TNRC6A: variants seen among roughly 807,000 people sequenced by gnomAD.
TNRC6A encodes the protein trinucleotide repeat-containing gene 6A protein.
TNRC6A carries 44 observed loss-of-function variants against 221.2 expected under a neutral mutation model. The observed-to-expected ratio is 0.20, with a 90% CI of 0.16 to 0.26. The LOEUF is 0.26. Among genes scored for constraint, TNRC6A ranks in the 10% least tolerant of loss-of-function variants. The pLI is 1.00. For synonymous variants in TNRC6A, 847 were observed against 838.5 expected, an observed-to-expected ratio of 1.01 and a Z score of -0.18; for missense variants, 2,199 against 2,404.4, an observed-to-expected ratio of 0.91 and a Z score of 1.79.
In TNRC6A at chr16:24,822,820, C is replaced by T. The variant is rs1596846274; in HGVS notation, c.5374-54C>T. ...GCAGCAGTGCAGCCTGAAACAGCCTCCTGGAGGGCCCGCGGTGACGCCTCT... is the reference window on the plus strand; with the variant it reads ...GCAGCAGTGCAGCCTGAAACAGCCTTCTGGAGGGCCCGCGGTGACGCCTCT... On this transcript the variant is annotated intron_variant, in intron 23 of 24. Transcript: ENST00000395799. The T allele has an allele frequency of 5.0e-6, 8 of 1,608,846 alleles. No individual in the cohort carries two copies. In the East Asian group the frequency reaches 6.7e-5, roughly 13 times the overall value.
chr16:24,774,910 A>G (rs2057687632), intron 4 of TNRC6A, among the ~76,000 whole-genome samples: 1 of 152,160 alleles, frequency 6.6e-6, no homozygotes, highest in Admixed American at 6.5e-5. Context: ...ACAATACCAA[A>G]TATAATGTAA....
At chr16:24,812,232 A>C (rs1319483573) in intron 18 of TNRC6A, among the ~76,000 whole-genome samples, 1 of 151,460 alleles carries the variant, frequency 6.6e-6, no homozygotes, top group African/African-American at 2.4e-5. Flanking sequence ...TTGTAATTTT[A>C]GTAGAGACAG....
chr16:24,682,546 G>A (rs1016344564), intron 2 of TNRC6A, among the ~76,000 whole-genome samples: 1 of 151,998 alleles, frequency 6.6e-6, no homozygotes, highest in Non-Finnish European at 1.5e-5. Context: ...ATTGAATAGA[G>A]GAACTCTACA....
intron 2 of TNRC6A, among the ~76,000 whole-genome samples, chr16:24,732,105 AAAAC>A (rs2056658427): frequency 6.6e-6 from 1 of 152,250 alleles, no homozygotes; most frequent in Admixed American, 6.5e-5. Flanking sequence ...CATGAAAGGA[AAAAC>A]AAATATCAAA....
intron 2 of TNRC6A, among the ~76,000 whole-genome samples, chr16:24,681,744 A>G (rs926464971): frequency 6.6e-6 from 1 of 152,146 alleles, no homozygotes; most frequent in Non-Finnish European, 1.5e-5. Flanking sequence ...TTGATGCTTA[A>G]TAGGCACCCA....
intron 2 of TNRC6A, among the ~76,000 whole-genome samples, chr16:24,709,134 G>A (rs556438095): frequency 6.6e-6 from 1 of 152,230 alleles, no homozygotes; most frequent in South Asian, 2.1e-4. Context: ...GTGCATGCCT[G>A]TAATTCCAGC....
At chr16:24,711,713 T>C (rs1177671864) in intron 2 of TNRC6A, among the ~76,000 whole-genome samples, 11 of 152,220 alleles carry the variant, frequency 7.2e-5, no homozygotes. Context: ...TTTCATTTTA[T>C]GTGACTTAGC....
chr16:24,805,360 C>T, intron 14 of TNRC6A: 1 of 963,242 alleles, frequency 1.0e-6, no homozygotes, highest in Non-Finnish European at 1.5e-6. Context: ...TTCTTTAAAA[C>T]ATTCTTGAGA....
chr16:24,711,228 GA>G (rs2056200588), intron 2 of TNRC6A, among the ~76,000 whole-genome samples: 1 of 151,602 alleles, frequency 6.6e-6, no homozygotes, highest in African/African-American at 2.4e-5. Context: ...GGCTGGTCTC[GA>G]ACTCCTGACC....
At chr16:24,714,687 T>C (rs1311770764) in intron 2 of TNRC6A, among the ~76,000 whole-genome samples, 1 of 152,156 alleles carries the variant, frequency 6.6e-6, no homozygotes, top group East Asian at 1.9e-4. Flanking sequence ...TCTTTCTTTC[T>C]AAAATATCTT....
chr16:24,643,353 A>G (rs942257823), intron 2 of TNRC6A, among the ~76,000 whole-genome samples: 8 of 151,696 alleles, frequency 5.3e-5, no homozygotes, highest in African/African-American at 1.9e-4. Context: ...TAATTAACCC[A>G]GGTATTCATT....
intron 11 of TNRC6A, among the ~76,000 whole-genome samples, chr16:24,802,069 A>T (rs746113180): frequency 7.9e-5 from 12 of 152,262 alleles, no homozygotes; most frequent in Non-Finnish European, 1.5e-4. Context: ...TGACTGGAAC[A>T]GTACTTCTTA....
rs2055593358 is a variant in TNRC6A at position 24,684,708 on chromosome 16, A to T, written n.402+43699A>T. ...TTAGTCCCACTTACTCAGGAGGCTG[A>T]GGTGGGAGGATAACCAGAGCCCAAG... is the stretch of plus-strand genomic sequence containing the variant. On this transcript the variant is annotated intron_variant and non_coding_transcript_variant, in intron 2 of 2. Transcript: ENST00000566108. 1.3e-5 allele frequency among the ~76,000 whole-genome samples: 2 copies of T among 151,784 alleles called. 1 individual carries two copies. The highest frequency in any genetic ancestry group is 4.2e-4 in the South Asian group (2 of 4,808).
intron 2 of TNRC6A, among the ~76,000 whole-genome samples, chr16:24,698,108 G>A (rs952339032): frequency 2.6e-5 from 4 of 151,334 alleles, no homozygotes; most frequent in South Asian, 2.1e-4. Flanking sequence ...CAGGAGGACC[G>A]CTTGAGCCCA....
chr16:24,732,022 C>T (rs2056656297), intron 2 of TNRC6A, among the ~76,000 whole-genome samples: 1 of 152,170 alleles, frequency 6.6e-6, no homozygotes, highest in South Asian at 2.1e-4. Context: ...AACAGTAGTA[C>T]TAGGTAGATG....
Position 24,789,792 on chromosome 16 carries a change from G to A in TNRC6A, c.1150G>A (p.Val384Ile), listed in dbSNP as rs200041337. 2 of 1,614,170 alleles carry A rather than the reference G, an allele frequency of 1.2e-6. No individual in the cohort carries two copies. The highest frequency in any genetic ancestry group is 4.5e-5 in the East Asian group (2 of 44,888). ...CAATGGACTTGCCCTAAAAGGGCCT[G>A]TAGGGAGTGGTAGTTCTGGCATTAA... ...ENNGLALKGP[V>I]GSGSSGINIQ... Residue 384 changes from valine to isoleucine, a missense_variant, in exon 6 of 25, where the codon GTA becomes ATA. By Grantham distance (29) the Val-to-Ile change is conservative. Transcript: ENST00000395799.
chr16:24,766,722 G>A (rs1374340688), intron 4 of TNRC6A, among the ~76,000 whole-genome samples: 2 of 128,678 alleles, frequency 1.6e-5, no homozygotes, highest in East Asian at 2.3e-4. Context: ...TGTCGCCCAC[G>A]CTGGAGTGCA....
rs144519494 is a variant in TNRC6A, at chr16:24,815,240, C to T, written c.4766C>T (p.Ser1589Leu). ...SSTSPASPPG[S>L]IGDGWPRAKS... The stretch of plus-strand genomic sequence containing the variant: ...ACTTCACCAGCCAGTCCTCCAGGTT[C>T]AATAGGAGATGGCTGGCCACGTGCC... The change falls in exon 19 of 25, where the codon TCA becomes TTA. Residue 1589 changes from serine to leucine, a missense_variant. Ser to Leu is a moderately radical substitution (Grantham distance 145). Coordinates refer to ENST00000395799, the MANE Select transcript of TNRC6A (RefSeq NM_014494.4). 2 of 1,614,094 alleles carry T rather than the reference C, an allele frequency of 1.2e-6. No homozygotes were observed. Among genetic ancestry groups the T allele is most frequent in the African/African-American group, 1.3e-5 (1 of 74,932 alleles).
chr16:24,752,338 A>C (rs909361706), intron 3 of TNRC6A, among the ~76,000 whole-genome samples: 27 of 152,274 alleles, frequency 1.8e-4, no homozygotes, highest in Admixed American at 1.1e-3. Context: ...GAGAAATGAT[A>C]AATAATTCAG....
Sources: gnomAD v4.1 joint callset for allele counts (sites outside exome capture counted in the v4.1 genomes callset) on GRCh38, gnomAD v4.1.1 for gene constraint, MANE v1.5 for transcripts, NCBI Gene and HGNC (gene_info 2026-07-23, HGNC 2026-07-21) for gene names.